The following DNAAF9 variants were observed in gnomAD, a reference collection of about 807,000 sequenced individuals.
DNAAF9 encodes shulin.
A neutral mutation model predicts 167.0 loss-of-function variants in DNAAF9; 90 were observed. The ratio of observed to expected loss-of-function variants is 0.54; its 90% CI spans 0.45 to 0.64. The LOEUF (loss-of-function observed/expected upper bound fraction) is 0.64. Among genes scored for constraint, DNAAF9 ranks in the 30% least tolerant of loss-of-function variants. The probability of loss-of-function intolerance (pLI) is 0.00; values close to 1 mark genes in which losing one functional copy is unlikely to be tolerated. For synonymous variants in DNAAF9, 491 were observed against 508.8 expected, an observed-to-expected ratio of 0.96 and a Z score of 0.47; for missense variants, 1,315 against 1,442.2, an observed-to-expected ratio of 0.91 and a Z score of 1.43.
At chr20:3,362,317 G>T in intron 6 of DNAAF9, 1 of 890,838 alleles carries the variant, frequency 1.1e-6, no homozygotes, top group Non-Finnish European at 1.8e-6. Flanking sequence ...GCCTGTGGTG[G>T]CTGCCATCTT....
intron 23 of DNAAF9, chr20:3,296,609 G>T: frequency 2.2e-6 from 1 of 455,392 alleles, no homozygotes; most frequent in Non-Finnish European, 3.9e-6. Context: ...TCTAATTCTT[G>T]TGCTCAATTC....
intron 28 of DNAAF9, among the ~76,000 whole-genome samples, chr20:3,279,722 G>C (rs2236094): frequency 0.21 from 31,312 of 152,174 alleles, 3,528 homozygotes; most frequent in African/African-American, 0.28. Context: ...TCTAACAGAT[G>C]AAAGGCATGG....
intron 25 of DNAAF9, among the ~76,000 whole-genome samples, chr20:3,293,544 GC>G (rs2122929433): frequency 6.6e-6 from 1 of 151,692 alleles, no homozygotes; most frequent in African/African-American, 2.4e-5. Context: ...AATTAGCCAG[GC>G]GTGGTGGTGC....
At chr20:3,276,983 T>C (rs966108536) in intron 29 of DNAAF9, among the ~76,000 whole-genome samples, 1 of 152,144 alleles carries the variant, frequency 6.6e-6, no homozygotes. Flanking sequence ...GTCCCCTCTA[T>C]CAAACCTAGT....
At chr20:3,369,640 G>A (rs1333327747) in intron 6 of DNAAF9, among the ~76,000 whole-genome samples, 1 of 152,058 alleles carries the variant, frequency 6.6e-6, no homozygotes, top group Non-Finnish European at 1.5e-5. Flanking sequence ...GCCTCCCAAA[G>A]TGCTGGGATT....
intron 6 of DNAAF9, among the ~76,000 whole-genome samples, chr20:3,363,720 C>A (rs1481405112): frequency 6.6e-6 from 1 of 152,020 alleles, no homozygotes; most frequent in African/African-American, 2.4e-5. Flanking sequence ...AACAAAAAGA[C>A]ATAAAATGTC....
intron 1 of DNAAF9, among the ~76,000 whole-genome samples, chr20:3,403,201 A>T (rs1460301215): frequency 6.6e-6 from 1 of 152,084 alleles, no homozygotes; most frequent in Non-Finnish European, 1.5e-5. Flanking sequence ...CAAGCAGCTC[A>T]ACACAGCTGC....
At chr20:3,304,042 A>G (rs1371729058) in intron 21 of DNAAF9, among the ~76,000 whole-genome samples, 1 of 152,158 alleles carries the variant, frequency 6.6e-6, no homozygotes, top group Non-Finnish European at 1.5e-5. Context: ...AGCCTCATCA[A>G]TACCACAGGA....
intron 17 of DNAAF9, among the ~76,000 whole-genome samples, chr20:3,317,256 G>A (rs1221803522): frequency 6.6e-6 from 1 of 151,108 alleles, no homozygotes; most frequent in Non-Finnish European, 1.5e-5. Context: ...TGCTACTTGG[G>A]AGGCTGAGGT....
chr20:3,402,820 G>C (rs1324020311), intron 1 of DNAAF9, among the ~76,000 whole-genome samples: 1 of 152,078 alleles, frequency 6.6e-6, no homozygotes, highest in Non-Finnish European at 1.5e-5. Flanking sequence ...CTGGGCTCAA[G>C]CAATCCTCCC....
At chr20:3,314,601 T>C (rs1473655431) in intron 20 of DNAAF9, among the ~76,000 whole-genome samples, 5 of 152,210 alleles carry the variant, frequency 3.3e-5, no homozygotes, top group Non-Finnish European at 7.3e-5. Context: ...TGCCTTGATT[T>C]TGACCTCAAG....
intron 8 of DNAAF9, among the ~76,000 whole-genome samples, chr20:3,344,458 T>C (rs908311128): frequency 6.6e-6 from 1 of 152,192 alleles, no homozygotes; most frequent in African/African-American, 2.4e-5. Context: ...TTGGTAAATT[T>C]TCTTCAAATC....
chr20:3,400,135 TTTCC>T (rs2123302677), intron 1 of DNAAF9, among the ~76,000 whole-genome samples: 1 of 152,348 alleles, frequency 6.6e-6, no homozygotes, highest in East Asian at 1.9e-4. Flanking sequence ...TCTCTGAATA[TTTCC>T]TTACAGAATC....
chr20:3,266,063 G>A (rs1248233434), intron 30 of DNAAF9, among the ~76,000 whole-genome samples: 1 of 152,182 alleles, frequency 6.6e-6, no homozygotes, highest in African/African-American at 2.4e-5. Flanking sequence ...GTTGATATTT[G>A]AGAGTACATG....
intron 6 of DNAAF9, among the ~76,000 whole-genome samples, chr20:3,360,632 G>A (rs886381829): frequency 2.6e-5 from 4 of 152,092 alleles, no homozygotes; most frequent in African/African-American, 9.7e-5. Context: ...TGTGCACACC[G>A]GGTTCTTTCT....
chr20:3,353,653 A>T (rs2083246229), intron 7 of DNAAF9, among the ~76,000 whole-genome samples: 1 of 133,694 alleles, frequency 7.5e-6, no homozygotes, highest in Non-Finnish European at 1.6e-5. Context: ...CCCCCGCAAA[A>T]AAAAAGGCTA....
At chr20:3,335,841 G>C (rs567255340) in intron 10 of DNAAF9, among the ~76,000 whole-genome samples, 1 of 151,252 alleles carries the variant, frequency 6.6e-6, no homozygotes, top group East Asian at 1.9e-4. Context: ...TTTTTGTTTG[G>C]GCTGAGCGTG....
intron 6 of DNAAF9, among the ~76,000 whole-genome samples, chr20:3,371,437 G>A (rs1260983203): frequency 5.6e-5 from 8 of 141,884 alleles, no homozygotes; most frequent in Admixed American, 2.3e-4. Context: ...TCCGCCTCCC[G>A]GGTTCCCGCC....
chr20:3,286,606 G>A (rs2068856913), intron 27 of DNAAF9, among the ~76,000 whole-genome samples: 1 of 152,128 alleles, frequency 6.6e-6, no homozygotes, highest in Non-Finnish European at 1.5e-5. Flanking sequence ...CCCACAAGCA[G>A]GACAAAAGGG....
Sources: gnomAD v4.1 joint callset for allele counts (sites outside exome capture counted in the v4.1 genomes callset) on GRCh38, gnomAD v4.1.1 for gene constraint, MANE v1.5 for transcripts, NCBI Gene and HGNC (gene_info 2026-07-23, HGNC 2026-07-21) for gene names.